The following NKAIN3 variants were observed in gnomAD, a reference collection of about 807,000 sequenced individuals.
NKAIN3 encodes sodium/potassium-transporting ATPase subunit beta-1-interacting protein 3.
In NKAIN3, 25 loss-of-function variants were observed where a neutral mutation model predicts 30.2. The observed-to-expected ratio is 0.83, with a 90% CI of 0.60 to 1.16. The LOEUF is 1.16. Among genes scored for constraint, NKAIN3 ranks in the 50% most tolerant of loss-of-function variants. The pLI is 0.00. For missense variants in NKAIN3, 225 were observed against 254.1 expected (o/e 0.89, Z 0.78); for synonymous variants, 91 against 89.6 (o/e 1.02, Z -0.09).
At chr8:62,306,007 G>A (rs1177202533) in intron 1 of NKAIN3, among the ~76,000 whole-genome samples, 1 of 150,272 alleles carries the variant, frequency 6.7e-6, no homozygotes, top group African/African-American at 2.5e-5. Flanking sequence ...TGCTTTCAGT[G>A]TATTCCATTT....
intron 1 of NKAIN3, among the ~76,000 whole-genome samples, chr8:62,475,859 A>G (rs1563415500): frequency 6.6e-6 from 1 of 152,206 alleles, no homozygotes; most frequent in Non-Finnish European, 1.5e-5. Context: ...CACAGTGGAG[A>G]GTAGTGGTTA....
At chr8:62,523,644 T>C (rs1808219582) in intron 1 of NKAIN3, among the ~76,000 whole-genome samples, 1 of 152,070 alleles carries the variant, frequency 6.6e-6, no homozygotes, top group African/African-American at 2.4e-5. Flanking sequence ...AATGGTTAGG[T>C]CTACACTATA....
intron 1 of NKAIN3, among the ~76,000 whole-genome samples, chr8:62,457,676 A>G (rs1378784067): frequency 2.0e-5 from 3 of 152,220 alleles, no homozygotes; most frequent in Non-Finnish European, 4.4e-5. Context: ...TTAAAAAAAT[A>G]TTGAATGAAG....
chr8:62,906,117 G>A lies in NKAIN3; in HGVS notation c.472-12336G>A, dbSNP rs182682072. Among the ~76,000 whole-genome samples, 6 of 152,232 alleles carry A rather than the reference G, an allele frequency of 3.9e-5. No individual in the cohort carries two copies. The East Asian group carries it at 7.7e-4, about 20-fold the overall frequency. ...TGCGAGCATCCATCAAGGCCCAAGAGGCATGATAAATGGAGAAAAGAGATA... is the reference window on the plus strand; with the variant it reads ...TGCGAGCATCCATCAAGGCCCAAGAAGCATGATAAATGGAGAAAAGAGATA... On this transcript the variant is annotated intron_variant, in intron 4 of 6. Coordinates refer to ENST00000623646, the MANE Select transcript of NKAIN3 (RefSeq NM_001304533.3).
intron 3 of NKAIN3, among the ~76,000 whole-genome samples, chr8:62,603,936 G>T (rs1305643840): frequency 6.6e-6 from 1 of 152,102 alleles, no homozygotes; most frequent in Non-Finnish European, 1.5e-5. Flanking sequence ...TGTTTTATCT[G>T]CAGGAAGCCA....
chr8:62,433,190 A>G (rs991446277), intron 1 of NKAIN3, among the ~76,000 whole-genome samples: 1 of 152,152 alleles, frequency 6.6e-6, no homozygotes, highest in Admixed American at 6.6e-5. Context: ...GTGTCATTAA[A>G]GGATATTTAC....
intron 3 of NKAIN3, among the ~76,000 whole-genome samples, chr8:62,642,211 G>C (rs558613624): frequency 6.6e-6 from 1 of 152,088 alleles, no homozygotes; most frequent in Non-Finnish European, 1.5e-5. Flanking sequence ...ATAGAAACCA[G>C]TTTGTCACTG....
chr8:62,376,910 G>A (rs1271034281), intron 1 of NKAIN3, among the ~76,000 whole-genome samples: 1 of 151,860 alleles, frequency 6.6e-6, no homozygotes. Flanking sequence ...AGTCACAATA[G>A]CTACTTTTAT....
At chr8:62,308,224 C>T (rs750217707) in intron 1 of NKAIN3, among the ~76,000 whole-genome samples, 4 of 150,348 alleles carry the variant, frequency 2.7e-5, no homozygotes, top group Non-Finnish European at 5.9e-5. Flanking sequence ...GTCAGCTGTA[C>T]CTCAAAGGCT....
intron 1 of NKAIN3, among the ~76,000 whole-genome samples, chr8:62,535,431 A>G (rs540225476): frequency 1.3e-5 from 2 of 152,056 alleles, no homozygotes; most frequent in South Asian, 4.2e-4. Flanking sequence ...TTGAGGGCTC[A>G]GTCCCTAAGA....
At chr8:62,698,405 C>G (rs1322723353) in intron 3 of NKAIN3, among the ~76,000 whole-genome samples, 1 of 152,178 alleles carries the variant, frequency 6.6e-6, no homozygotes, top group Non-Finnish European at 1.5e-5. Flanking sequence ...GTCCCCTACT[C>G]AAGCTCCTCC....
intron 1 of NKAIN3, among the ~76,000 whole-genome samples, chr8:62,327,059 T>A (rs1400551450): frequency 6.6e-6 from 1 of 152,036 alleles, no homozygotes; most frequent in African/African-American, 2.4e-5. Context: ...TGCATTTTCC[T>A]AATGATTAGT....
intron 3 of NKAIN3, among the ~76,000 whole-genome samples, chr8:62,616,453 G>A (rs1459042785): frequency 6.6e-6 from 1 of 152,096 alleles, no homozygotes; most frequent in African/African-American, 2.4e-5. Context: ...ATACAACTCA[G>A]GAGCAGCCAA....
In NKAIN3 at chr8:62,976,749, C is replaced by T. The variant is rs560589561; in HGVS notation, c.*11342C>T. ...TATGATGATAGCTGGTTATTTTGCC[C>T]ATTAGTTGATGCAGCTTCTTCATAG... On this transcript the variant is annotated 3_prime_UTR_variant, in exon 7 of 7. Coordinates refer to ENST00000623646, the MANE Select transcript of NKAIN3 (RefSeq NM_001304533.3). Among the ~76,000 whole-genome samples the T allele has an allele frequency of 2.0e-5, 3 of 152,240 alleles. No homozygotes were observed. The highest frequency in any genetic ancestry group is 7.2e-5 in the African/African-American group (3 of 41,518).
intron 4 of NKAIN3, among the ~76,000 whole-genome samples, chr8:62,808,245 A>G (rs1177711578): frequency 6.6e-6 from 1 of 152,172 alleles, no homozygotes; most frequent in Admixed American, 6.6e-5. Flanking sequence ...CCTATTCCTG[A>G]AGAACATGCT....
intron 1 of NKAIN3, among the ~76,000 whole-genome samples, chr8:62,383,770 C>A (rs930913371): frequency 6.6e-6 from 1 of 152,082 alleles, no homozygotes; most frequent in East Asian, 1.9e-4. Context: ...TTATAGCAAT[C>A]CTGCACCTAC....
intron 6 of NKAIN3, among the ~76,000 whole-genome samples, chr8:62,960,279 A>G (rs1421835237): frequency 6.6e-6 from 1 of 152,182 alleles, no homozygotes; most frequent in Non-Finnish European, 1.5e-5. Context: ...ATTTCCTTTG[A>G]CATGTGACTT....
chr8:62,495,872 A>G (rs1807222358), intron 1 of NKAIN3, among the ~76,000 whole-genome samples: 1 of 152,116 alleles, frequency 6.6e-6, no homozygotes, highest in South Asian at 2.1e-4. Flanking sequence ...TTGACCTCCA[A>G]GCTCTTTCTT....
chr8:62,543,850 G>A (rs921652779), intron 1 of NKAIN3, among the ~76,000 whole-genome samples: 1 of 152,074 alleles, frequency 6.6e-6, no homozygotes, highest in African/African-American at 2.4e-5. Context: ...GGTTTGTAAG[G>A]TTGTTATATT....
Sources: allele counts gnomAD v4.1 joint callset (sites outside exome capture counted in the v4.1 genomes callset), GRCh38; gene constraint gnomAD v4.1.1; transcripts MANE v1.5; gene names NCBI Gene and HGNC (gene_info 2026-07-23, HGNC 2026-07-21).